The following PTCD1 variants were observed in gnomAD, a reference collection of about 807,000 sequenced individuals.
PTCD1 encodes pentatricopeptide repeat domain 1.
A neutral mutation model predicts 53.4 loss-of-function variants in PTCD1; 50 were observed. The observed-to-expected ratio is 0.94, with a 90% CI of 0.75 to 1.19. PTCD1 has a LOEUF of 1.19. Among genes scored for constraint, PTCD1 ranks in the 50% most tolerant of loss-of-function variants. The pLI, the probability that PTCD1 is intolerant of heterozygous loss-of-function variation, is 0.00. For missense variants in PTCD1, 918 were observed against 904.8 expected (o/e 1.01, Z -0.19); for synonymous variants, 413 against 394.8 (o/e 1.05, Z -0.55).
Position 99,418,081 on chromosome 7 carries a change from C to G in PTCD1, c.*1886G>C. 1.3e-6 allele frequency: 1 copy of G among 762,096 alleles called. No homozygotes were observed. The highest frequency in any genetic ancestry group is 1.7e-6 in the Non-Finnish European group (1 of 594,118). The allele number at this position is 762,096 out of a possible 1,614,324, so 47.2% of individuals were successfully genotyped here. A position where few individuals can be genotyped will look rare whatever the true frequency, so the allele number is the denominator to read the frequency against. On this transcript the variant is annotated 3_prime_UTR_variant, in exon 8 of 8. Transcript: ENST00000292478. ...CTCCCGGGTTCAAGCGGTTCTCCTG[C>G]CTCATCCTCCTGAGTAGCTGGGACT... is the stretch of plus-strand genomic sequence containing the variant.
chr7:99,427,012 C>G (rs1796055901), intron 5 of PTCD1, among the ~76,000 whole-genome samples: 1 of 152,072 alleles, frequency 6.6e-6, no homozygotes, highest in African/African-American at 2.4e-5. Flanking sequence ...AGGAGCCCCT[C>G]CGCCCGGGAG....
In PTCD1 at chr7:99,419,618, C is replaced by T. The variant is rs1795708083; in HGVS notation, c.*349G>A. 4 of 822,586 alleles carry T rather than the reference C, an allele frequency of 4.9e-6. No individual in the cohort carries two copies. Among genetic ancestry groups the T allele is most frequent in the East Asian group, 2.7e-5 (1 of 37,472 alleles). 51.0% of individuals were successfully genotyped at this position (822,586 alleles called of 1,614,324 possible). A position where few individuals can be genotyped will look rare whatever the true frequency, so the allele number is the denominator to read the frequency against. The stretch of plus-strand genomic sequence containing the variant: ...AAATAAAATCTTTAAATCTCTCGAG[C>T]CCCACGTCTCTTCTTTCAGAGCATC... On this transcript the variant is annotated 3_prime_UTR_variant, in exon 8 of 8. Transcript: ENST00000292478.
Position 99,434,009 on chromosome 7 carries a change from A to G in PTCD1, c.454-591T>C, listed in dbSNP as rs150590529. Among the ~76,000 whole-genome samples, 388 of 141,072 alleles carry G rather than the reference A, an allele frequency of 2.8e-3. 4 individuals are homozygous for G. The highest frequency in any genetic ancestry group is 0.019 in the East Asian group (72 of 3,704). The allele number at this position is 141,072 out of a possible 152,430, so 92.5% of individuals were successfully genotyped here. On this transcript the variant is annotated intron_variant, in intron 2 of 7. Transcript: ENST00000292478. ...AGAGGCTACGGTGAGCCAAGATTTC[A>G]CCACTGCACTCCAGCCTGGGTGACG...
Position 99,420,104 on chromosome 7 carries a change from CTCGGAAGCCG to C in PTCD1, c.1956_1965del (p.Asp652GlufsTer8). ...ACTGTCAGCCACTGCTTGTAATAGG[CTCGGAAGCCG>C]TCAATCTTCTCCAGGTAGGTGTTCT... On this transcript the variant is annotated frameshift_variant, in exon 8 of 8. Transcript: ENST00000292478. LOFTEE classifies it low-confidence loss of function (END_TRUNC). 6.2e-7 allele frequency: 1 copy of C among 1,614,196 alleles called. No homozygotes were observed. Among genetic ancestry groups the C allele is most frequent in the Non-Finnish European group, 8.5e-7 (1 of 1,180,030 alleles).
intron 3 of PTCD1, among the ~76,000 whole-genome samples, chr7:99,430,617 T>C (rs1562844659): frequency 6.6e-6 from 1 of 152,184 alleles, no homozygotes; most frequent in Non-Finnish European, 1.5e-5. Context: ...GTCCCTACTT[T>C]GAGGATGATG....
rs1040473096 is a variant in PTCD1 at position 99,417,016 on chromosome 7, T to G, written c.*2951A>C. ...GGCACCTTGCCTGGCCTAAGTACTT[T>G]TTTTTTTTGTTCCTCCTCCAAGGAC... On this transcript the variant is annotated 3_prime_UTR_variant, in exon 8 of 8. Transcript: ENST00000292478. 1.2e-5 allele frequency: 2 copies of G among 167,184 alleles called. No individual in the cohort carries two copies. The highest frequency in any genetic ancestry group is 5.7e-5 in the Admixed American group (1 of 17,512). 10.4% of individuals were successfully genotyped at this position (167,184 alleles called of 1,614,324 possible).
Position 99,425,099 on chromosome 7 carries a change from A to G in PTCD1, c.1433T>C (p.Met478Thr). The G allele has an allele frequency of 1.2e-6, 2 of 1,614,094 alleles. No individual in the cohort carries two copies. Among genetic ancestry groups the G allele is most frequent in the South Asian group, 1.1e-5 (1 of 91,086 alleles). Residue 478 changes from methionine (M) to threonine (T), a missense_variant, in exon 6 of 8, where the codon ATG becomes ACG. Coordinates refer to ENST00000292478, the MANE Select transcript of PTCD1 (RefSeq NM_015545.4). ...IGGLEGFLSK[M>T]AEHRQQPDIR... ...GTCGGGCTGCTGCCTGTGCTCTGCC[A>G]TCTTGCTCAGGAAGCCCTCCAGGCC...
intron 5 of PTCD1, 80 bp downstream of exon 5, chr7:99,429,023 C>G: frequency 6.7e-7 from 1 of 1,502,178 alleles, no homozygotes; most frequent in Non-Finnish European, 9.3e-7. Context: ...ACAGGGCCAT[C>G]GTGGGTGCTC....
At position 99,429,133 on chromosome 7, in the gene PTCD1, G is replaced by A. The variant is rs368654198; in HGVS notation, c.885C>T (p.Asp295=). 1.2e-6 allele frequency: 2 copies of A among 1,614,058 alleles called. No individual in the cohort carries two copies. Among genetic ancestry groups the A allele is most frequent in the African/African-American group, 2.7e-5 (2 of 74,920 alleles). The change falls in exon 5 of 8, where the codon GAC becomes GAT. Residue 295 remains aspartate (D), a synonymous_variant. Transcript: ENST00000292478. ...GGGCGTACCGGAAGCCTGTCTTCTT[G>A]TCTTGGATGCAGCCCATGAGCAGGA... ...FSFLLMGCIQ[D]KKTGFRYALQ... is the part of the protein sequence containing the mutation.
rs868292144 is a variant in PTCD1, at chr7:99,425,100, T to C, written c.1432A>G (p.Met478Val). 1 of 1,614,084 alleles carries C rather than the reference T, an allele frequency of 6.2e-7. No homozygotes were observed. The highest frequency in any genetic ancestry group is 1.7e-5 in the Admixed American group (1 of 60,026). ...IGGLEGFLSK[M>V]AEHRQQPDIR... ...TCGGGCTGCTGCCTGTGCTCTGCCA[T>C]CTTGCTCAGGAAGCCCTCCAGGCCC... Residue 478 changes from methionine (M) to valine (V), a missense_variant, in exon 6 of 8, where the codon ATG becomes GTG. By Grantham distance (21) the Met-to-Val change is conservative. Transcript: ENST00000292478.
chr7:99,427,532 C>T (rs1796098478), intron 5 of PTCD1, among the ~76,000 whole-genome samples: 1 of 151,040 alleles, frequency 6.6e-6, no homozygotes, highest in African/African-American at 2.4e-5. Flanking sequence ...AGGTGAGCGG[C>T]GCCTCTGCCC....
chr7:99,426,426 G>A (rs956676903), intron 5 of PTCD1, among the ~76,000 whole-genome samples: 58 of 152,174 alleles, frequency 3.8e-4, no homozygotes, highest in African/African-American at 1.3e-3. Context: ...TCCTAACCGC[G>A]AGTGATCCAC....
Position 99,418,110 on chromosome 7 carries a change from G to A in PTCD1, c.*1857C>T. The A allele has an allele frequency of 7.2e-6, 3 of 417,892 alleles. No homozygotes were observed. The highest frequency in any genetic ancestry group is 1.0e-5 in the Non-Finnish European group (3 of 294,418). 25.9% of individuals were successfully genotyped at this position (417,892 alleles called of 1,614,324 possible). On this transcript the variant is annotated 3_prime_UTR_variant, in exon 8 of 8. Transcript: ENST00000292478. ...ATCCTCCTGAGTAGCTGGGACTACA[G>A]GCATGCACCACCACGCCTGGCTAAT... is the stretch of plus-strand genomic sequence containing the variant.
chr7:99,420,150 C>A lies in PTCD1; in HGVS notation c.1921-1G>T. On this transcript the variant is annotated splice_acceptor_variant, in intron 7 of 7. Transcript: ENST00000292478. LOFTEE classifies it high-confidence loss of function. ...CCAGGTAGGTGTTCTTCCCTTGGTA[C>A]TAGAATTAGAAAAGTGAGGCTAGAA... The A allele has an allele frequency of 6.2e-7, 1 of 1,614,182 alleles. No homozygotes were observed. The highest frequency in any genetic ancestry group is 1.3e-5 in the African/African-American group (1 of 75,060).
intron 4 of PTCD1, 24 bp from the exon 5 acceptor site, chr7:99,429,228 C>G: frequency 1.9e-6 from 3 of 1,613,046 alleles, no homozygotes; most frequent in Non-Finnish European, 2.5e-6. Flanking sequence ...CAAAGACGTC[C>G]CACTGAGAAC....
rs756881256 is a variant in PTCD1, at chr7:99,424,809, G to A, written c.1723C>T (p.Leu575Phe). The change falls in exon 6 of 8, where the codon CTC (leucine) becomes TTC (phenylalanine). Residue 575 changes from leucine (L) to phenylalanine (F), a missense_variant. By Grantham distance (22) the Leu-to-Phe change is conservative. Coordinates refer to ENST00000292478, the MANE Select transcript of PTCD1 (RefSeq NM_015545.4). Reference sequence around the variant, plus strand: ...AGTCCACTCACCTTCATGTCTGTGAGAAGCTGTAGACCGTCCTTCGGCCTG... The same window carrying A: ...AGTCCACTCACCTTCATGTCTGTGAAAAGCTGTAGACCGTCCTTCGGCCTG... ...CHRPKDGLQL[L>F]TDMKKSQVTP... The A allele has an allele frequency of 2.6e-5, 42 of 1,614,236 alleles. 1 individual carries two copies. In the South Asian group the frequency reaches 4.3e-4, roughly 16 times the overall value.
intron 3 of PTCD1, among the ~76,000 whole-genome samples, chr7:99,430,471 G>A (rs1351461214): frequency 2.0e-5 from 3 of 152,236 alleles, no homozygotes; most frequent in South Asian, 2.1e-4. Flanking sequence ...GCAGCTCAGC[G>A]GCAGAAAGAA....
chr7:99,423,310 AAG>A (rs1455065089), intron 7 of PTCD1, among the ~76,000 whole-genome samples: 2 of 152,150 alleles, frequency 1.3e-5, no homozygotes, highest in African/African-American at 4.8e-5. Context: ...TGATACAGGG[AAG>A]GCCAGGGCTG....
chr7:99,419,261 GGAAGGGTTTCT>G lies in PTCD1; in HGVS notation c.*695_*705del. 8.7e-7 allele frequency: 1 copy of G among 1,155,004 alleles called. No homozygotes were observed. 71.5% of individuals were successfully genotyped at this position (1,155,004 alleles called of 1,614,324 possible). A position where few individuals can be genotyped will look rare whatever the true frequency, so the allele number is the denominator to read the frequency against. On this transcript the variant is annotated 3_prime_UTR_variant, in exon 8 of 8. Coordinates refer to ENST00000292478, the MANE Select transcript of PTCD1 (RefSeq NM_015545.4). The stretch of plus-strand genomic sequence containing the variant: ...AATTTTCCCTGTCCAGAGCTGTCAA[GGAAGGGTTTCT>G]GAGGTGTGTCCCTATATGGCATGGT...
Sources: allele counts gnomAD v4.1 joint callset (sites outside exome capture counted in the v4.1 genomes callset), GRCh38; gene constraint gnomAD v4.1.1; transcripts MANE v1.5; gene names NCBI Gene and HGNC (gene_info 2026-07-23, HGNC 2026-07-21).